The following ZFYVE9 variants were observed in gnomAD, a reference collection of about 807,000 sequenced individuals.
ZFYVE9 encodes the protein zinc finger FYVE domain-containing protein 9.
Under a neutral mutation model 126.7 loss-of-function variants are expected in ZFYVE9, and 43 were observed. The ratio of observed to expected loss-of-function variants is 0.34; its 90% CI spans 0.27 to 0.44. The LOEUF is 0.44. ZFYVE9 is among the 20% of genes least tolerant of loss of function. The pLI, the probability that ZFYVE9 is intolerant of heterozygous loss-of-function variation, is 1.00. For synonymous variants in ZFYVE9, 521 were observed against 597.4 expected, an observed-to-expected ratio of 0.87 and a Z score of 1.87; for missense variants, 1,476 against 1,697.0, an observed-to-expected ratio of 0.87 and a Z score of 2.29.
At chr1:52,272,673 CTTT>C (rs58857376) in intron 7 of ZFYVE9, among the ~76,000 whole-genome samples, 30 of 121,248 alleles carry the variant, frequency 2.5e-4, no homozygotes, top group African/African-American at 6.1e-4. Context: ...TAGAAATAAT[CTTT>C]TTTTTTTTTT....
In ZFYVE9 at chr1:52,281,973, A is replaced by G. The variant is rs553575546; in HGVS notation, c.3025+157A>G. Among the ~76,000 whole-genome samples, 3 of 152,316 alleles carry G rather than the reference A, an allele frequency of 2.0e-5. No homozygotes were observed. The South Asian group carries it at 6.2e-4, about 32-fold the overall frequency. ...GCTTTCCATGGTTTGAAGAAATTAT[A>G]AATTTTAGTATTGTACCTGGTATAG... On this transcript the variant is annotated intron_variant, in intron 10 of 18. Coordinates refer to ENST00000287727, the MANE Select transcript of ZFYVE9 (RefSeq NM_004799.4).
Position 52,204,555 on chromosome 1 carries a change from C to T in ZFYVE9, c.-142-11814C>T, listed in dbSNP as rs150376512. Among the ~76,000 whole-genome samples the T allele has an allele frequency of 3.2e-3, 482 of 152,076 alleles. 2 individuals carry two copies. The highest frequency in any genetic ancestry group is 5.5e-3 in the Admixed American group (84 of 15,266). On this transcript the variant is annotated intron_variant, in intron 1 of 18. Transcript: ENST00000287727. ...CAGCCTGGCCAAAATGGTGAAACCC[C>T]GTCTCTGCTAAAAATACAAAAATTA...
intron 17 of ZFYVE9, among the ~76,000 whole-genome samples, chr1:52,340,640 C>A (rs1397480638): frequency 6.6e-6 from 1 of 152,168 alleles, no homozygotes; most frequent in Non-Finnish European, 1.5e-5. Flanking sequence ...TGGCTTACAC[C>A]TGTAATCCCA....
chr1:52,167,471 A>G (rs1279531860), intron 1 of ZFYVE9, among the ~76,000 whole-genome samples: 3 of 152,182 alleles, frequency 2.0e-5, no homozygotes, highest in African/African-American at 7.2e-5. Flanking sequence ...TCAACAGCGC[A>G]TGAGATACAT....
At chr1:52,149,254 A>G (rs1644332618) in intron 1 of ZFYVE9, among the ~76,000 whole-genome samples, 1 of 151,850 alleles carries the variant, frequency 6.6e-6, no homozygotes, top group African/African-American at 2.4e-5. Context: ...AGTATTTCCT[A>G]ACTGGTTTGA....
intron 1 of ZFYVE9, among the ~76,000 whole-genome samples, chr1:52,196,811 A>C (rs1312492243): frequency 6.6e-6 from 1 of 152,206 alleles, no homozygotes; most frequent in Non-Finnish European, 1.5e-5. Flanking sequence ...GGGAAAGAAC[A>C]TGATACTCTT....
At chr1:52,207,215 G>T (rs1644986419) in intron 1 of ZFYVE9, among the ~76,000 whole-genome samples, 1 of 152,170 alleles carries the variant, frequency 6.6e-6, no homozygotes, top group South Asian at 2.1e-4. Context: ...GTCATTTTGA[G>T]TCTGATTACT....
intron 4 of ZFYVE9, among the ~76,000 whole-genome samples, chr1:52,242,029 ATCT>A (rs1645338743): frequency 7.3e-6 from 1 of 136,074 alleles, no homozygotes; most frequent in African/African-American, 2.9e-5. Flanking sequence ...TGTCATGGCA[ATCT>A]TTTTTTTTTT....
chr1:52,248,081 C>A (rs981764571), intron 4 of ZFYVE9, among the ~76,000 whole-genome samples: 1 of 152,116 alleles, frequency 6.6e-6, no homozygotes, highest in Non-Finnish European at 1.5e-5. Context: ...GGAGAATCAA[C>A]TCACATGGTT....
intron 1 of ZFYVE9, among the ~76,000 whole-genome samples, chr1:52,147,004 T>C (rs917469288): frequency 1.2e-4 from 18 of 152,216 alleles, no homozygotes; most frequent in African/African-American, 3.9e-4. Context: ...CCTGATCTCA[T>C]GTGATGGGTC....
intron 1 of ZFYVE9, among the ~76,000 whole-genome samples, chr1:52,165,905 T>C (rs766029247): frequency 2.0e-5 from 3 of 152,208 alleles, no homozygotes; most frequent in Non-Finnish European, 4.4e-5. Context: ...ATTGGAAGCA[T>C]ATCTTGTATC....
chr1:52,237,644 A>G lies in ZFYVE9; in HGVS notation c.227A>G (p.His76Arg). ...CAACTGAAAGTCTTCTCCCTGGCTC[A>G]TTCAGCTCCCCTGACCACAGAGGAA... ...QPQLKVFSLA[H>R]SAPLTTEEED... The change falls in exon 4 of 19, where the codon CAT (histidine) becomes CGT (arginine). Residue 76 changes from histidine to arginine, a missense_variant. By Grantham distance (29) the His-to-Arg change is conservative. This residue lies in a region of ZFYVE9 where 807 missense variants were observed against 794.6 expected (regional missense o/e 1.02). Coordinates refer to ENST00000287727, the MANE Select transcript of ZFYVE9 (RefSeq NM_004799.4). 1.9e-6 allele frequency: 3 copies of G among 1,614,120 alleles called. No individual in the cohort carries two copies. Among genetic ancestry groups the G allele is most frequent in the Non-Finnish European group, 2.5e-6 (3 of 1,179,972 alleles).
rs1464983407 is a variant in ZFYVE9, at chr1:52,239,360, A to G, written c.1943A>G (p.His648Arg). ...TCTAATGTCGATACAAATGGGGAACATTTAGAAAGTTATGAGGCTGAGATC... is the reference window on the plus strand; with the variant it reads ...TCTAATGTCGATACAAATGGGGAACGTTTAGAAAGTTATGAGGCTGAGATC... ...NISNVDTNGE[H>R]LESYEAEIST... The change falls in exon 4 of 19, where the codon CAT becomes CGT. Residue 648 changes from histidine (H) to arginine (R), a missense_variant. By Grantham distance (29) the His-to-Arg change is conservative (BLOSUM62 0). Around this residue, in one of 2 missense-constraint regions of ZFYVE9, gnomAD observed 807 missense variants for 794.6 expected, o/e 1.02. Coordinates refer to ENST00000287727, the MANE Select transcript of ZFYVE9 (RefSeq NM_004799.4). The G allele has an allele frequency of 6.2e-7, 1 of 1,613,048 alleles. No homozygotes were observed. The highest frequency in any genetic ancestry group is 8.5e-7 in the Non-Finnish European group (1 of 1,179,636).
intron 9 of ZFYVE9, among the ~76,000 whole-genome samples, chr1:52,280,693 T>C (rs1205542935): frequency 6.6e-6 from 1 of 152,154 alleles, no homozygotes; most frequent in African/African-American, 2.4e-5. Context: ...TGGAACTAAG[T>C]AGTTCAGAAA....
intron 1 of ZFYVE9, among the ~76,000 whole-genome samples, chr1:52,177,240 C>G (rs566527695): frequency 7.2e-5 from 11 of 151,938 alleles, no homozygotes; most frequent in African/African-American, 2.4e-4. Flanking sequence ...ACCTCTGCCT[C>G]CCAGGTTCAA....
chr1:52,186,781 C>T (rs1416847442), intron 1 of ZFYVE9, among the ~76,000 whole-genome samples: 2 of 152,040 alleles, frequency 1.3e-5, no homozygotes, highest in East Asian at 1.9e-4. Flanking sequence ...AAGATCTCTA[C>T]AATGAGAATT....
chr1:52,235,699 T>C (rs1279665051), intron 3 of ZFYVE9, among the ~76,000 whole-genome samples: 1 of 152,182 alleles, frequency 6.6e-6, no homozygotes, highest in African/African-American at 2.4e-5. Context: ...ATTCTTATAT[T>C]TGGGGATATG....
chr1:52,249,352 G>A (rs1645421244), intron 4 of ZFYVE9, among the ~76,000 whole-genome samples: 1 of 152,122 alleles, frequency 6.6e-6, no homozygotes, highest in African/African-American at 2.4e-5. Flanking sequence ...GGTGTGAAGT[G>A]GTATCTCATT....
intron 5 of ZFYVE9, among the ~76,000 whole-genome samples, chr1:52,265,365 A>G (rs139957386): frequency 3.3e-5 from 5 of 152,356 alleles, no homozygotes; most frequent in Non-Finnish European, 5.9e-5. Flanking sequence ...GTTTGGAGGC[A>G]ATAAATATTC....
Sources: allele counts gnomAD v4.1 joint callset (sites outside exome capture counted in the v4.1 genomes callset), GRCh38; gene constraint gnomAD v4.1.1; regional missense constraint gnomAD v4.1.1; transcripts MANE v1.5; gene names NCBI Gene and HGNC (gene_info 2026-07-23, HGNC 2026-07-21).